Variants in FBLN7 observed in about 807,000 individuals in gnomAD.
FBLN7 encodes fibulin-7.
FBLN7 carries 31 observed loss-of-function variants against 44.0 expected under a neutral mutation model. The ratio of observed to expected loss-of-function variants is 0.70; its 90% confidence interval spans 0.53 to 0.95. The LOEUF is 0.95. Ranked by LOEUF, FBLN7 falls within the 40% of genes least tolerant of loss-of-function variation. The pLI is 0.00. For missense variants in FBLN7, 573 were observed against 618.5 expected, an observed-to-expected ratio of 0.93 and a Z score of 0.78; for synonymous variants, 262 against 253.4, an observed-to-expected ratio of 1.03 and a Z score of -0.32.
Position 112,181,797 on chromosome 2 carries a change from G to T in FBLN7, c.591G>T (p.Ala197=). The T allele has an allele frequency of 6.7e-7, 1 of 1,482,774 alleles. No individual in the cohort carries two copies. Among genetic ancestry groups the T allele is most frequent in the Non-Finnish European group, 8.9e-7 (1 of 1,123,394 alleles). The allele number at this position is 1,482,774 out of a possible 1,614,324, so 91.9% of individuals were successfully genotyped here. The change falls in exon 5 of 8, where the codon GCG becomes GCT. Residue 197 remains alanine (A), a synonymous_variant. Transcript: ENST00000331203. ...CCTTCAGCCGCGCGCCGCGCTGTGC[G>T]CAGGTGGAGCGGGCTCAGCACTGCA... ...DSAFSRAPRC[A]QVERAQHCSC...
chr2:112,204,566 G>A, the FBLN7 span, among the ~76,000 whole-genome samples: 2 of 152,210 alleles, frequency 1.3e-5, no homozygotes, highest in East Asian at 3.9e-4. Flanking sequence ...TAAGAGAAAA[G>A]ACTTCAAGTA....
chr2:112,187,874 GC>G lies in FBLN7; in HGVS notation c.*371del, dbSNP rs143372901. 7.4e-3 allele frequency: 2,731 copies of G among 371,298 alleles called. 89 individuals are homozygous for G. The highest frequency in any genetic ancestry group is 0.052 in the African/African-American group (2,497 of 48,310). 23.0% of individuals were successfully genotyped at this position (371,298 alleles called of 1,614,324 possible). ...GGCAATGTGTGTCAGGTGACTATCAGCCCTTCTGCCTTTTTGTAGCCAGGCT... is the reference window on the plus strand; with the variant it reads ...GGCAATGTGTGTCAGGTGACTATCAGCCTTCTGCCTTTTTGTAGCCAGGCT... On this transcript the variant is annotated 3_prime_UTR_variant, in exon 8 of 8. Coordinates refer to ENST00000331203, the MANE Select transcript of FBLN7 (RefSeq NM_153214.3). The surrounding 1 kb of genome is among the most constrained non-coding windows in gnomAD (Gnocchi z 5.1).
At chr2:112,195,126 A>G in the FBLN7 span, among the ~76,000 whole-genome samples, 4 of 152,240 alleles carry the variant, frequency 2.6e-5, no homozygotes, top group African/African-American at 4.8e-5. Context: ...AAAACACAGC[A>G]TTGGCCAGAC....
intron 1 of FBLN7, among the ~76,000 whole-genome samples, chr2:112,140,808 G>C (rs1030571960): frequency 2.6e-5 from 4 of 152,270 alleles, no homozygotes; most frequent in South Asian, 2.1e-4. Context: ...TTTCCGAAGC[G>C]GTCCCTTCCC....
Position 112,160,850 on chromosome 2 carries a change from A to G in FBLN7, c.235+1015A>G, listed in dbSNP as rs1042836107. On this transcript the variant is annotated intron_variant, in intron 2 of 7. Coordinates refer to ENST00000331203, the MANE Select transcript of FBLN7 (RefSeq NM_153214.3). ...CACGCATACACGCACGCACACGCGC[A>G]CACACACACACACACACTCAGCCCG... Among the ~76,000 whole-genome samples, 255 of 42,210 alleles carry G rather than the reference A, an allele frequency of 6.0e-3. 1 individual carries two copies. Among genetic ancestry groups the G allele is most frequent in the Middle Eastern group, 0.028 (1 of 36 alleles). 27.7% of individuals were successfully genotyped at this position (42,210 alleles called of 152,430 possible).
At chr2:112,148,612 C>T (rs1403745360) in intron 1 of FBLN7, among the ~76,000 whole-genome samples, 2 of 152,236 alleles carry the variant, frequency 1.3e-5, no homozygotes, top group Admixed American at 1.3e-4. Context: ...CCAGACTCAG[C>T]TCATCTGGAC....
At chr2:112,178,269 C>CAAAAAAAAAAAAAAAAAAAAAAA (rs60515148) in intron 4 of FBLN7, among the ~76,000 whole-genome samples, 1 of 144,274 alleles carries the variant, frequency 6.9e-6, no homozygotes, top group Non-Finnish European at 1.5e-5. Context: ...AAAAAAAAAA[C>CAAAAAAAAAAAAAAAAAAAAAAA]CAAAAGAAAA....
rs1189011874 is a variant in FBLN7, at chr2:112,174,950, AAAGGG to A, written c.407-760_407-756del. ...AAATGTATACATGATTATTATGGGA[AAAGGG>A]AAGAATACAAAAAATTATAAACTAG... is the stretch of plus-strand genomic sequence containing the variant. On this transcript the variant is annotated intron_variant, in intron 3 of 7. Coordinates refer to ENST00000331203, the MANE Select transcript of FBLN7 (RefSeq NM_153214.3). Among the ~76,000 whole-genome samples, 38 of 152,316 alleles carry A rather than the reference AAAGGG, an allele frequency of 2.5e-4. No individual in the cohort carries two copies. The East Asian group carries it at 2.5e-3, about 10-fold the overall frequency.
chr2:112,219,643 TG>T, the FBLN7 span, among the ~76,000 whole-genome samples: 1 of 151,924 alleles, frequency 6.6e-6, no homozygotes, highest in Non-Finnish European at 1.5e-5. Flanking sequence ...AGAGTGTGAG[TG>T]GGGTGATTTT....
downstream of FBLN7, chr2:112,188,649 T>A (rs968912772): frequency 6.6e-6 from 1 of 152,184 alleles, no homozygotes; most frequent in African/African-American, 2.4e-5. Flanking sequence ...GCTGGTGAGA[T>A]TTCCTCACAC....
the FBLN7 span, among the ~76,000 whole-genome samples, chr2:112,232,314 CAAA>C: frequency 3.6e-4 from 26 of 71,600 alleles, no homozygotes; most frequent in South Asian, 0.01. Flanking sequence ...GATAATGTCT[CAAA>C]AAAAAAAAAA....
chr2:112,184,846 CAT>C (rs140335459), intron 6 of FBLN7, among the ~76,000 whole-genome samples: 4 of 147,830 alleles, frequency 2.7e-5, no homozygotes, highest in East Asian at 2.0e-4. Context: ...TACACACACA[CAT>C]ATATATATAT....
rs200992956 is a variant in FBLN7, at chr2:112,187,330, G to A, written c.1144G>A (p.Gly382Ser). The A allele has an allele frequency of 3.7e-4, 602 of 1,614,140 alleles. No homozygotes were observed. The highest frequency in any genetic ancestry group is 2.8e-3 in the East Asian group (126 of 44,878). ...RFGIVGGNSR[G>S]HFVMQRSDRQ... is the part of the protein sequence containing the mutation. ...TGGGATCGTGGGTGGGAACAGCCGC[G>A]GCCACTTTGTGATGCAGCGTTCAGA... The change falls in exon 8 of 8, where the codon GGC becomes AGC. Residue 382 changes from glycine (G) to serine (S), a missense_variant. Gly to Ser is a moderately conservative substitution (Grantham distance 56, BLOSUM62 0). Coordinates refer to ENST00000331203, the MANE Select transcript of FBLN7 (RefSeq NM_153214.3). This position sits in a 1 kb window ranked among gnomAD's most constrained non-coding sequence, Gnocchi z 5.1.
chr2:112,143,960 A>G (rs1455979263), intron 1 of FBLN7, among the ~76,000 whole-genome samples: 1 of 152,152 alleles, frequency 6.6e-6, no homozygotes, highest in Non-Finnish European at 1.5e-5. Flanking sequence ...CTCTGAGAAT[A>G]TGTGTTGGGC....
At chr2:112,181,549 C>T (rs573515304) in intron 4 of FBLN7, among the ~76,000 whole-genome samples, 190 bp from the exon 5 acceptor site, 1 of 152,276 alleles carries the variant, frequency 6.6e-6, no homozygotes, top group South Asian at 2.1e-4. Flanking sequence ...TCCCGCGCCC[C>T]CTTCGCGTAG....
chr2:112,234,347 T>C, the FBLN7 span: 1 of 769,394 alleles, frequency 1.3e-6, no homozygotes. Context: ...GTGACTCTTC[T>C]AAATTGGCCT....
At chr2:112,144,735 C>CCCT (rs1680825899) in intron 1 of FBLN7, among the ~76,000 whole-genome samples, 2 of 152,188 alleles carry the variant, frequency 1.3e-5, no homozygotes, top group South Asian at 4.1e-4. Context: ...CCTTGTTAGC[C>CCCT]AGGATGGTCT....
rs573802796 is a variant in FBLN7, at chr2:112,187,579, G to A, written c.*73G>A. 48 of 1,559,594 alleles carry A rather than the reference G, an allele frequency of 3.1e-5. No homozygotes were observed. In the Middle Eastern group the frequency reaches 1.0e-3, roughly 34 times the overall value. ...CCCCGAAGGCTCAGCTTCGGGCACC[G>A]ACTGCGTGGAGCCTCCCGCCTGTTC... On this transcript the variant is annotated 3_prime_UTR_variant, in exon 8 of 8. Transcript: ENST00000331203. This position sits in a 1 kb window ranked among gnomAD's most constrained non-coding sequence, Gnocchi z 5.1.
Position 112,159,836 on chromosome 2 carries a change from G to A in FBLN7, c.235+1G>A, listed in dbSNP as rs1174199213. On this transcript the variant is annotated splice_donor_variant, in intron 2 of 7. Coordinates refer to ENST00000331203, the MANE Select transcript of FBLN7 (RefSeq NM_153214.3). LOFTEE classifies it high-confidence loss of function. ...AGGGTGGGCCCAGATGCCCTTCCAG[G>A]TGGGTCCCCACGTCGGCACCGCTGG... The A allele has an allele frequency of 2.0e-6, 3 of 1,537,818 alleles. No individual in the cohort carries two copies. The African/African-American group carries it at 4.2e-5, about 21-fold the overall frequency.
Sources: gnomAD v4.1 joint callset for allele counts (sites outside exome capture counted in the v4.1 genomes callset) on GRCh38, gnomAD v4.1.1 for gene constraint, Gnocchi (gnomAD v3.1) non-coding constraint, MANE v1.5 for transcripts, NCBI Gene and HGNC (gene_info 2026-07-23, HGNC 2026-07-21) for gene names.